The following BRINP3 variants were observed in gnomAD, a reference collection of about 807,000 sequenced individuals.
BRINP3 encodes the protein BMP/retinoic acid inducible neural specific 3, also known as BMP/retinoic acid-inducible neural-specific protein 3.
A neutral mutation model predicts 71.0 loss-of-function variants in BRINP3; 19 were observed. The ratio of observed to expected loss-of-function variants is 0.27; its 90% confidence interval spans 0.19 to 0.39. BRINP3 has a LOEUF of 0.39. Among genes scored for constraint, BRINP3 ranks in the 10% least tolerant of loss-of-function variants. The pLI, the probability that BRINP3 is intolerant of heterozygous loss-of-function variation, is 1.00. For synonymous variants in BRINP3, 380 were observed against 337.7 expected, an observed-to-expected ratio of 1.13 and a Z score of -1.37; for missense variants, 959 against 940.8, an observed-to-expected ratio of 1.02 and a Z score of -0.25.
intron 4 of BRINP3, among the ~76,000 whole-genome samples, chr1:190,262,274 T>C (rs1661251964): frequency 6.6e-6 from 1 of 152,100 alleles, no homozygotes; most frequent in Non-Finnish European, 1.5e-5. Context: ...AATCATCAGC[T>C]ACTTAAAATT....
rs752729349 is a variant in BRINP3, at chr1:190,264,886, T to C, written c.597A>G (p.Gln199=). Residue 199 remains glutamine (Q), a synonymous_variant, in exon 4 of 8, where the codon CAA becomes CAG. Transcript: ENST00000367462. Reference sequence around the variant, plus strand: ...TTACCTTTATGGCAGTGGATGCAATTTGAATGTGGTGAAGTCTCCGAAGGG... The same window carrying C: ...TTACCTTTATGGCAGTGGATGCAATCTGAATGTGGTGAAGTCTCCGAAGGG... ...DSTLRRLHHI[Q]IASTAIKVTE... is the part of the protein sequence containing the mutation. 6 of 1,613,248 alleles carry C rather than the reference T, an allele frequency of 3.7e-6. No individual in the cohort carries two copies. The Admixed American group carries it at 5.0e-5, about 13-fold the overall frequency.
In BRINP3 at chr1:190,454,788, C is replaced by G; in HGVS notation, c.103G>C (p.Val35Leu). 1 of 1,614,136 alleles carries G rather than the reference C, an allele frequency of 6.2e-7. No homozygotes were observed. Among genetic ancestry groups the G allele is most frequent in the Non-Finnish European group, 8.5e-7 (1 of 1,180,024 alleles). ...LHCWVLAVAA[V>L]SDQHATSPFD... ...GGGCTTGTGGCATGCTGATCCGAAA[C>G]AGCAGCAACCGCTAAAACCCAGCAA... is the stretch of plus-strand genomic sequence containing the variant. Residue 35 changes from valine (V) to leucine (L), a missense_variant, in exon 2 of 8, where the codon GTT becomes CTT. Val to Leu is a conservative substitution (Grantham distance 32). Coordinates refer to ENST00000367462, the MANE Select transcript of BRINP3 (RefSeq NM_199051.3).
At chr1:190,238,993 A>G (rs1658796644) in intron 4 of BRINP3, among the ~76,000 whole-genome samples, 1 of 152,186 alleles carries the variant, frequency 6.6e-6, no homozygotes, top group African/African-American at 2.4e-5. Flanking sequence ...ATTTAAAATC[A>G]TGGCCGAAGG....
At chr1:190,469,068 A>T (rs1419469579) in intron 1 of BRINP3, among the ~76,000 whole-genome samples, 1 of 151,032 alleles carries the variant, frequency 6.6e-6, no homozygotes, top group African/African-American at 2.4e-5. Context: ...ATAATTGTTT[A>T]CCCATAAATT....
chr1:190,152,540 C>T (rs1187034457), intron 7 of BRINP3, among the ~76,000 whole-genome samples: 1 of 134,666 alleles, frequency 7.4e-6, no homozygotes, highest in Admixed American at 7.7e-5. Context: ...AACCCCCCCC[C>T]CGCCCCCCAA....
chr1:190,471,698 T>G (rs900403775), intron 1 of BRINP3, among the ~76,000 whole-genome samples: 3 of 151,406 alleles, frequency 2.0e-5, no homozygotes, highest in African/African-American at 7.2e-5. Flanking sequence ...TATTTTAATC[T>G]TGTTCCCAAT....
intron 5 of BRINP3, among the ~76,000 whole-genome samples, chr1:190,234,031 C>T (rs1400650592): frequency 6.6e-6 from 1 of 152,004 alleles, no homozygotes; most frequent in Admixed American, 6.6e-5. Flanking sequence ...ACAACTTTCA[C>T]AAGAATCTTT....
intron 5 of BRINP3, among the ~76,000 whole-genome samples, chr1:190,227,954 G>A (rs1657558935): frequency 6.6e-6 from 1 of 151,690 alleles, no homozygotes; most frequent in Non-Finnish European, 1.5e-5. Context: ...GGAAGTAGAA[G>A]GTAAAGAAAT....
At position 190,454,659 on chromosome 1, in the gene BRINP3, A is replaced by G. The variant is rs752340071; in HGVS notation, c.232T>C (p.Tyr78His). ...RQGFSTRYKI[Y>H]REFGRWKVNN... ...TGCTTTCCCTTTGCTTCATACCTGT[A>G]TATCTTGTATCTTGTGCTAAATCCC... Residue 78 changes from tyrosine (Y) to histidine (H), a missense_variant, in exon 2 of 8, where the codon TAC becomes CAC. By Grantham distance (83) the Tyr-to-His change is moderately conservative. Coordinates refer to ENST00000367462, the MANE Select transcript of BRINP3 (RefSeq NM_199051.3). 1.2e-6 allele frequency: 2 copies of G among 1,612,870 alleles called. No individual in the cohort carries two copies. Among genetic ancestry groups the G allele is most frequent in the Non-Finnish European group, 1.7e-6 (2 of 1,179,164 alleles).
At chr1:190,476,212 AG>A (rs1163902393) in intron 1 of BRINP3, among the ~76,000 whole-genome samples, 1 of 150,918 alleles carries the variant, frequency 6.6e-6, no homozygotes, top group African/African-American at 2.4e-5. Flanking sequence ...TTGTCGCGTC[AG>A]CCATCAATGA....
intron 2 of BRINP3, among the ~76,000 whole-genome samples, chr1:190,370,809 T>C (rs1669813782): frequency 6.6e-6 from 1 of 152,226 alleles, no homozygotes; most frequent in Non-Finnish European, 1.5e-5. Flanking sequence ...TATCGCTAGA[T>C]ATTTTTCATC....
chr1:190,258,881 G>A (rs1200222503), intron 4 of BRINP3, among the ~76,000 whole-genome samples: 6 of 152,170 alleles, frequency 3.9e-5, no homozygotes, highest in African/African-American at 1.4e-4. Context: ...GTTCAAGCCT[G>A]TAATCTTAGC....
intron 6 of BRINP3, among the ~76,000 whole-genome samples, chr1:190,186,510 G>C (rs1311508594): frequency 6.6e-6 from 1 of 152,138 alleles, no homozygotes; most frequent in Non-Finnish European, 1.5e-5. Flanking sequence ...TTTCACAACA[G>C]TGCATGGTGA....
At chr1:190,394,895 T>G (rs1318077217) in intron 2 of BRINP3, among the ~76,000 whole-genome samples, 1 of 151,694 alleles carries the variant, frequency 6.6e-6, no homozygotes, top group Non-Finnish European at 1.5e-5. Context: ...AGGGAAAGAC[T>G]GTTGAATGCA....
intron 2 of BRINP3, among the ~76,000 whole-genome samples, chr1:190,436,024 A>G (rs1465096323): frequency 6.6e-6 from 1 of 151,840 alleles, no homozygotes; most frequent in African/African-American, 2.4e-5. Context: ...TGATGGAGTA[A>G]ATTAGTTACC....
chr1:190,162,155 A>G (rs891837505), intron 6 of BRINP3, among the ~76,000 whole-genome samples: 2 of 152,106 alleles, frequency 1.3e-5, no homozygotes, highest in African/African-American at 4.8e-5. Flanking sequence ...AATATGCTTC[A>G]AACCATTTTT....
At chr1:190,445,169 C>CA (rs1386491394) in intron 2 of BRINP3, among the ~76,000 whole-genome samples, 3 of 151,714 alleles carry the variant, frequency 2.0e-5, no homozygotes, top group Non-Finnish European at 4.4e-5. Flanking sequence ...AGCATAATTT[C>CA]AAAAAACCAA....
At chr1:190,188,218 G>A (rs1653713468) in intron 6 of BRINP3, among the ~76,000 whole-genome samples, 1 of 152,022 alleles carries the variant, frequency 6.6e-6, no homozygotes, top group Non-Finnish European at 1.5e-5. Flanking sequence ...GGTTGATTTT[G>A]TATCCTGCAA....
At chr1:190,414,693 G>A (rs1672901845) in intron 2 of BRINP3, among the ~76,000 whole-genome samples, 1 of 152,126 alleles carries the variant, frequency 6.6e-6, no homozygotes, top group African/African-American at 2.4e-5. Flanking sequence ...ATCTCACTGG[G>A]CAACCCAATC....
Sources: allele counts gnomAD v4.1 joint callset (sites outside exome capture counted in the v4.1 genomes callset), GRCh38; gene constraint gnomAD v4.1.1; transcripts MANE v1.5; gene names NCBI Gene and HGNC (gene_info 2026-07-23, HGNC 2026-07-21).